AFF3: variants seen among roughly 807,000 people sequenced by gnomAD.
The protein encoded by AFF3 is ALF transcription elongation factor 3.
Under a neutral mutation model 129.7 loss-of-function variants are expected in AFF3, and 32 were observed. That is an observed-to-expected ratio of 0.25 (90% confidence interval 0.19 to 0.33). The LOEUF (loss-of-function observed/expected upper bound fraction) is 0.33. Ranked by LOEUF, AFF3 falls within the 10% of genes least tolerant of loss-of-function variation. AFF3 has a pLI of 1.00. For missense variants in AFF3, 1,373 were observed against 1,592.0 expected (o/e 0.86, Z 2.34); for synonymous variants, 644 against 635.4 (o/e 1.01, Z -0.20).
chr2:99,582,806 C>A lies in AFF3; in HGVS notation c.2785G>T (p.Asp929Tyr), dbSNP rs757784993. Residue 929 changes from aspartate (D) to tyrosine (Y), a missense_variant, in exon 17 of 25, where the codon GAC becomes TAC. Asp to Tyr is a radical substitution (Grantham distance 160). This residue lies in a region of AFF3 where 466 missense variants were observed against 505.0 expected (regional missense o/e 0.92). Coordinates refer to ENST00000672756, the MANE Select transcript of AFF3 (RefSeq NM_001386135.1). ...ADSQLQPHGG[D>Y]LTKAAHNNSE... ...GAAGAGCATCAACAAACCGTGAGGT[C>A]TCCGCCGTGAGGCTGCAGCTGGCTG... The A allele has an allele frequency of 6.2e-7, 1 of 1,614,086 alleles. No individual in the cohort carries two copies. Among genetic ancestry groups the A allele is most frequent in the South Asian group, 1.1e-5 (1 of 91,076 alleles).
chr2:99,922,332 TC>T (rs895329494), intron 7 of AFF3, among the ~76,000 whole-genome samples: 9 of 152,192 alleles, frequency 5.9e-5, no homozygotes, highest in Non-Finnish European at 8.8e-5. Flanking sequence ...TGGATTTCCA[TC>T]AAGGGATCAG....
intron 1 of AFF3, among the ~76,000 whole-genome samples, chr2:100,135,733 G>C (rs1288067731): frequency 6.6e-6 from 1 of 152,210 alleles, no homozygotes; most frequent in Non-Finnish European, 1.5e-5. Flanking sequence ...GGGACCCATA[G>C]GAGAGTTCTG....
At chr2:99,932,870 T>A (rs1300250795) in intron 7 of AFF3, among the ~76,000 whole-genome samples, 1 of 152,220 alleles carries the variant, frequency 6.6e-6, no homozygotes, top group African/African-American at 2.4e-5. Context: ...TCCAATTAAC[T>A]TTTTTGTTGT....
At chr2:99,934,611 T>C (rs772139009) in intron 7 of AFF3, among the ~76,000 whole-genome samples, 5 of 152,024 alleles carry the variant, frequency 3.3e-5, no homozygotes, top group Non-Finnish European at 7.4e-5. Context: ...AAAGGGAATA[T>C]CCCACAAAAC....
chr2:99,626,528 C>T (rs1403511659), intron 13 of AFF3, among the ~76,000 whole-genome samples: 1 of 113,488 alleles, frequency 8.8e-6, no homozygotes, highest in Non-Finnish European at 1.9e-5. Context: ...CTCTTCCTTC[C>T]TTCCTCCCTC....
intron 4 of AFF3, among the ~76,000 whole-genome samples, chr2:100,072,091 G>A (rs1250732315): frequency 1.3e-5 from 2 of 152,060 alleles, no homozygotes; most frequent in Non-Finnish European, 2.9e-5. Context: ...CCCTCCCCAT[G>A]TCCAGCCCAT....
chr2:100,118,452 ATAGCTCCATT>A (rs1254221229), intron 2 of AFF3, among the ~76,000 whole-genome samples: 3 of 152,224 alleles, frequency 2.0e-5, no homozygotes, highest in Non-Finnish European at 4.4e-5. Flanking sequence ...GCTGATGGTT[ATAGCTCCATT>A]GTTGATAAAT....
chr2:99,750,914 A>C (rs573503519), intron 9 of AFF3, among the ~76,000 whole-genome samples: 1 of 152,182 alleles, frequency 6.6e-6, no homozygotes, highest in Non-Finnish European at 1.5e-5. Context: ...TATACAAAAT[A>C]TTTTGCTGCT....
intron 7 of AFF3, among the ~76,000 whole-genome samples, chr2:99,991,408 T>C (rs1177865484): frequency 1.3e-5 from 2 of 152,164 alleles, no homozygotes; most frequent in Non-Finnish European, 2.9e-5. Context: ...CTCTGCCGTG[T>C]TCCTCTCGAT....
chr2:99,785,035 C>G (rs1332236956), intron 8 of AFF3, among the ~76,000 whole-genome samples: 3 of 152,290 alleles, frequency 2.0e-5, no homozygotes, highest in Middle Eastern at 3.4e-3. Context: ...TTGCATACAG[C>G]AGCGATGTTG....
At position 99,601,456 on chromosome 2, in the gene AFF3, G is replaced by T. The variant is rs1238110562; in HGVS notation, c.1350C>A (p.Pro450=). The T allele has an allele frequency of 6.2e-7, 1 of 1,608,020 alleles. No homozygotes were observed. The highest frequency in any genetic ancestry group is 1.1e-5 in the South Asian group (1 of 90,084). Residue 450 remains proline (P), a synonymous_variant, in exon 14 of 25, where the codon CCC becomes CCA. Coordinates refer to ENST00000672756, the MANE Select transcript of AFF3 (RefSeq NM_001386135.1). ...TTACCTCGGGGCTGGAGAAGTGGGGGGGCTTGCTGCCCTCACTCTCGCTGG... is the reference window on the plus strand; with the variant it reads ...TTACCTCGGGGCTGGAGAAGTGGGGTGGCTTGCTGCCCTCACTCTCGCTGG... ...SSSSESEGSK[P]PHFSSPEAEP... is the part of the protein sequence containing the mutation.
intron 8 of AFF3, among the ~76,000 whole-genome samples, chr2:99,798,766 T>C (rs950753558): frequency 3.9e-5 from 6 of 152,066 alleles, no homozygotes; most frequent in South Asian, 2.1e-4. Context: ...AATGCTTATG[T>C]GCCTAACAGC....
In AFF3 at chr2:100,001,453, G is replaced by C. The variant is rs1175748679; in HGVS notation, c.873+5179C>G. Among the ~76,000 whole-genome samples the C allele has an allele frequency of 2.6e-5, 4 of 152,124 alleles. No homozygotes were observed. In the East Asian group the frequency reaches 7.7e-4, roughly 29 times the overall value. ...TTTGGTTTTTGGTTTTTTTGAGACG[G>C]AGTCTCACTCTGTCGCCCAGACTGG... On this transcript the variant is annotated intron_variant, in intron 7 of 24. Transcript: ENST00000672756.
At chr2:99,773,561 G>C (rs1378143620) in intron 8 of AFF3, among the ~76,000 whole-genome samples, 3 of 151,954 alleles carry the variant, frequency 2.0e-5, no homozygotes, top group African/African-American at 7.3e-5. Flanking sequence ...TGGTGTGATG[G>C]GGGTGGGGAA....
chr2:99,833,864 A>G (rs1337229650), intron 8 of AFF3, among the ~76,000 whole-genome samples: 4 of 152,166 alleles, frequency 2.6e-5, no homozygotes, highest in African/African-American at 9.7e-5. Flanking sequence ...CTCTGTTTTA[A>G]TTTCTCCCTC....
chr2:100,016,581 ACAG>A (rs1683106603), intron 4 of AFF3, among the ~76,000 whole-genome samples: 2 of 133,002 alleles, frequency 1.5e-5, no homozygotes, highest in African/African-American at 3.1e-5. Context: ...CATGTTAGTG[ACAG>A]TAGTGATGGT....
At chr2:100,027,531 A>C (rs1684144191) in intron 4 of AFF3, among the ~76,000 whole-genome samples, 1 of 151,830 alleles carries the variant, frequency 6.6e-6, no homozygotes, top group Non-Finnish European at 1.5e-5. Flanking sequence ...TCTGAATTCT[A>C]CTCTCCTGGC....
intron 10 of AFF3, among the ~76,000 whole-genome samples, chr2:99,728,741 C>T (rs1459983201): frequency 2.0e-5 from 3 of 152,202 alleles, no homozygotes; most frequent in African/African-American, 7.2e-5. Flanking sequence ...TGATAACAAA[C>T]ATTGATTAGG....
chr2:99,862,076 TCTTCCCCCACA>T (rs1479929493), intron 7 of AFF3, among the ~76,000 whole-genome samples: 1 of 152,134 alleles, frequency 6.6e-6, no homozygotes, highest in South Asian at 2.1e-4. Context: ...GTTTTTGAAG[TCTTCCCCCACA>T]CTTCCCCCAC....
Sources: gnomAD v4.1 joint callset for allele counts (sites outside exome capture counted in the v4.1 genomes callset) on GRCh38, gnomAD v4.1.1 for gene constraint, gnomAD v4.1.1 regional missense constraint, MANE v1.5 for transcripts, NCBI Gene and HGNC (gene_info 2026-07-23, HGNC 2026-07-21) for gene names.